LGSN: variants seen among roughly 807,000 people sequenced by gnomAD.
LGSN encodes the protein lengsin.
LGSN carries 21 observed loss-of-function variants against 19.5 expected under a neutral mutation model. The ratio of observed to expected loss-of-function variants is 1.07; its 90% CI spans 0.76 to 1.55. The LOEUF is 1.55. LGSN is among the 40% of genes most tolerant of loss of function. LGSN has a pLI of 0.00. For missense variants in LGSN, 673 were observed against 608.5 expected (o/e 1.11, Z -1.12); for synonymous variants, 257 against 215.6 (o/e 1.19, Z -1.68).
chr6:63,323,559 T>TACACACAC (rs58400159), upstream of LGSN, among the ~76,000 whole-genome samples: 1,486 of 132,778 alleles, frequency 0.011, 21 homozygotes, highest in Middle Eastern at 0.019. Flanking sequence ...AAACCTCATA[T>TACACACAC]ACACACACAC....
At chr6:63,343,363 A>G in the LGSN span, among the ~76,000 whole-genome samples, 1 of 152,228 alleles carries the variant, frequency 6.6e-6, no homozygotes, top group East Asian at 1.9e-4. Context: ...TTTGAATTAT[A>G]TGTTTATAAA....
the LGSN span, among the ~76,000 whole-genome samples, chr6:63,541,580 A>C: frequency 2.0e-5 from 3 of 152,124 alleles, no homozygotes; most frequent in East Asian, 1.9e-4. Context: ...ATCTAGCACT[A>C]ATAAAGGAAT....
At chr6:63,325,988 G>A in the LGSN span, among the ~76,000 whole-genome samples, 1 of 152,058 alleles carries the variant, frequency 6.6e-6, no homozygotes, top group African/African-American at 2.4e-5. Flanking sequence ...AGAGCCGAGT[G>A]GTCTGTTTTG....
At chr6:63,406,754 G>C in the LGSN span, among the ~76,000 whole-genome samples, 51 of 151,706 alleles carry the variant, frequency 3.4e-4, no homozygotes, top group South Asian at 0.01. Context: ...TTTTTTGAAA[G>C]GATCAACAAA....
At chr6:63,517,752 A>C in the LGSN span, among the ~76,000 whole-genome samples, 1 of 152,242 alleles carries the variant, frequency 6.6e-6, no homozygotes, top group Admixed American at 6.5e-5. Flanking sequence ...ATTAAAAATT[A>C]AGGAGCAGCC....
the LGSN span, among the ~76,000 whole-genome samples, chr6:63,551,618 T>C: frequency 1.3e-5 from 2 of 152,176 alleles, no homozygotes; most frequent in Non-Finnish European, 2.9e-5. Context: ...ACATGTGCCA[T>C]GTTGGTGTGC....
the LGSN span, among the ~76,000 whole-genome samples, chr6:63,337,834 G>A: frequency 6.6e-6 from 1 of 151,652 alleles, no homozygotes; most frequent in Admixed American, 6.6e-5. Flanking sequence ...TGCAACATAA[G>A]AGAAAGTTTG....
chr6:63,278,276 G>A lies in LGSN; in HGVS notation c.*1745C>T, dbSNP rs889679809. 1 of 151,972 alleles carries A rather than the reference G, an allele frequency of 6.6e-6. No homozygotes were observed. Among genetic ancestry groups the A allele is most frequent in the African/African-American group, 2.4e-5 (1 of 41,354 alleles). 9.4% of individuals were successfully genotyped at this position (151,972 alleles called of 1,614,324 possible). On this transcript the variant is annotated 3_prime_UTR_variant, in exon 4 of 4. Coordinates refer to ENST00000370657, the MANE Select transcript of LGSN (RefSeq NM_016571.3). ...TATTACTGAGAACAGAGGGGAAAAT[G>A]AACAGAGGGGAATTTTCTAGCAGAC...
intron 2 of LGSN, chr6:63,294,000 A>T (rs1277687847): frequency 3.0e-6 from 1 of 331,016 alleles, no homozygotes; most frequent in Non-Finnish European, 5.9e-6. Flanking sequence ...GGTCTACCCT[A>T]GTCACTGGCC....
At chr6:63,441,871 G>A in the LGSN span, 1 of 277,746 alleles carries the variant, frequency 3.6e-6, no homozygotes, top group South Asian at 3.7e-5. Flanking sequence ...CACAGCTACA[G>A]CAGCTGCCCC....
At chr6:63,491,445 A>ACC in the LGSN span, among the ~76,000 whole-genome samples, 81,002 of 151,600 alleles carry the variant, frequency 0.53, 23,434 homozygotes, top group African/African-American at 0.77. Context: ...ATTCTAAAGG[A>ACC]GATCCAAAGG....
the LGSN span, among the ~76,000 whole-genome samples, chr6:63,391,825 C>T: frequency 3.4e-3 from 514 of 152,148 alleles, 5 homozygotes; most frequent in African/African-American, 0.012. Flanking sequence ...AGCATAAGGG[C>T]CCTAGGAGCA....
chr6:63,522,259 G>C, the LGSN span, among the ~76,000 whole-genome samples: 2 of 152,052 alleles, frequency 1.3e-5, no homozygotes, highest in African/African-American at 2.4e-5. Flanking sequence ...TGTTGTTTCT[G>C]TTACTTATTT....
the LGSN span, among the ~76,000 whole-genome samples, chr6:63,414,371 T>A: frequency 3.9e-5 from 6 of 152,176 alleles, no homozygotes; most frequent in African/African-American, 1.4e-4. Context: ...AAAGTTTCAG[T>A]TTTGTTAGAT....
chr6:63,549,046 C>T, the LGSN span: 1 of 724,332 alleles, frequency 1.4e-6, no homozygotes, highest in South Asian at 1.4e-5. Context: ...GCAATCACCA[C>T]CGGCTGAGCT....
chr6:63,284,830 C>A (rs897631789), intron 3 of LGSN, among the ~76,000 whole-genome samples: 4 of 152,044 alleles, frequency 2.6e-5, no homozygotes, highest in Non-Finnish European at 5.9e-5. Context: ...CCAGTTTTCC[C>A]CAACATGAAA....
the LGSN span, among the ~76,000 whole-genome samples, chr6:63,483,528 G>A: frequency 6.6e-6 from 1 of 152,008 alleles, no homozygotes; most frequent in Non-Finnish European, 1.5e-5. Context: ...ACCACGCCCG[G>A]CTAATTTTTT....
At chr6:63,546,316 T>A in the LGSN span, among the ~76,000 whole-genome samples, 1 of 152,194 alleles carries the variant, frequency 6.6e-6, no homozygotes, top group African/African-American at 2.4e-5. Context: ...ATCTCACATG[T>A]GAAATCTAAC....
chr6:63,410,210 G>T, the LGSN span, among the ~76,000 whole-genome samples: 1 of 152,064 alleles, frequency 6.6e-6, no homozygotes, highest in East Asian at 1.9e-4. Flanking sequence ...GTACAGGTTT[G>T]ACACATACAA....
Sources: gnomAD v4.1 joint callset for allele counts (sites outside exome capture counted in the v4.1 genomes callset) on GRCh38, gnomAD v4.1.1 for gene constraint, MANE v1.5 for transcripts, NCBI Gene and HGNC (gene_info 2026-07-23, HGNC 2026-07-21) for gene names.